PCDHGA1: variants seen among roughly 807,000 people sequenced by gnomAD.
PCDHGA1 encodes the protein protocadherin gamma subfamily A, 1.
A neutral mutation model predicts 58.0 loss-of-function variants in PCDHGA1; 32 were observed. That is an observed-to-expected ratio of 0.55 (90% CI 0.42 to 0.74). The LOEUF (loss-of-function observed/expected upper bound fraction) is 0.74. Among genes scored for constraint, PCDHGA1 ranks in the 30% least tolerant of loss-of-function variants. The pLI, the probability that PCDHGA1 is intolerant of heterozygous loss-of-function variation, is 0.00. For missense variants in PCDHGA1, 1,205 were observed against 1,182.3 expected, an observed-to-expected ratio of 1.02 and a Z score of -0.28; for synonymous variants, 498 against 501.1, an observed-to-expected ratio of 0.99 and a Z score of 0.08.
chr5:141,460,951 G>GTA (rs200454978), intron 1 of PCDHGA1, among the ~76,000 whole-genome samples: 2,366 of 139,742 alleles, frequency 0.017, 20 homozygotes, highest in Middle Eastern at 0.037. Flanking sequence ...TATGTATTAT[G>GTA]TATATATATA....
chr5:141,393,118 G>C (rs1254219994), intron 1 of PCDHGA1: 31 of 1,613,354 alleles, frequency 1.9e-5, no homozygotes, highest in Non-Finnish European at 2.5e-5. Flanking sequence ...AGCCCGCGGT[G>C]TCTGATAAAT....
chr5:141,384,704 C>T (rs1191674511), intron 1 of PCDHGA1: 2 of 1,614,004 alleles, frequency 1.2e-6, no homozygotes, highest in African/African-American at 2.7e-5. Flanking sequence ...GGCCAGAACG[C>T]CTGGCTGTCA....
intron 1 of PCDHGA1, chr5:141,349,964 T>TA (rs1409228521): frequency 3.8e-6 from 1 of 264,224 alleles, no homozygotes; most frequent in Non-Finnish European, 7.0e-6. Context: ...AAAGACAGGG[T>TA]ACATAGATTC....
intron 2 of PCDHGA1, among the ~76,000 whole-genome samples, chr5:141,497,540 C>CTT (rs754207034): frequency 2.8e-4 from 38 of 134,912 alleles, no homozygotes; most frequent in African/African-American, 8.9e-4. Context: ...TGCAACAAAC[C>CTT]TTTTTTTTTT....
At chr5:141,507,349 A>G (rs537480798) in intron 3 of PCDHGA1, 1 of 152,236 alleles carries the variant, frequency 6.6e-6, no homozygotes, top group African/African-American at 2.4e-5. Flanking sequence ...CTGAAATTCA[A>G]ATTTAACTGG....
chr5:141,459,795 C>T (rs1394778891), intron 1 of PCDHGA1, among the ~76,000 whole-genome samples: 1 of 152,190 alleles, frequency 6.6e-6, no homozygotes, highest in Non-Finnish European at 1.5e-5. Flanking sequence ...AACTGTTTTT[C>T]CCTGTTGACT....
chr5:141,423,561 C>G (rs959698297), intron 1 of PCDHGA1: 7 of 1,613,628 alleles, frequency 4.3e-6, no homozygotes, highest in Non-Finnish European at 5.9e-6. Flanking sequence ...ACTATGGGGA[C>G]ACGCTCATCA....
chr5:141,510,032 T>C (rs1410346284), intron 3 of PCDHGA1, among the ~76,000 whole-genome samples: 3 of 152,150 alleles, frequency 2.0e-5, no homozygotes, highest in Non-Finnish European at 4.4e-5. Flanking sequence ...GCTGGGCTGT[T>C]ATGTAGAGGT....
At chr5:141,410,492 T>C in intron 1 of PCDHGA1, 2 of 1,613,912 alleles carry the variant, frequency 1.2e-6, no homozygotes, top group Non-Finnish European at 1.7e-6. Flanking sequence ...TACAAAAGAG[T>C]TTAATTTCCT....
chr5:141,390,436 C>A, intron 1 of PCDHGA1: 1 of 949,978 alleles, frequency 1.1e-6, no homozygotes, highest in Non-Finnish European at 1.5e-6. Flanking sequence ...TCATATCATT[C>A]TACAAAGGAG....
chr5:141,403,201 C>T (rs1486888915), intron 1 of PCDHGA1: 2 of 1,614,002 alleles, frequency 1.2e-6, no homozygotes, highest in South Asian at 1.1e-5. Context: ...GCAGCGGCAC[C>T]TTGGTCACCG....
At chr5:141,336,827 C>T (rs1400386782) in intron 1 of PCDHGA1, among the ~76,000 whole-genome samples, 1 of 152,062 alleles carries the variant, frequency 6.6e-6, no homozygotes. Context: ...CAGCAAAGAA[C>T]AATATCAATA....
At chr5:141,383,622 C>G (rs780650375) in intron 1 of PCDHGA1, 19 of 1,613,798 alleles carry the variant, frequency 1.2e-5, no homozygotes, top group Admixed American at 3.3e-5. Flanking sequence ...ACACGCCTGT[C>G]TTCTCTCTGC....
At chr5:141,344,411 T>G (rs773874852) in intron 1 of PCDHGA1, 1 of 1,612,074 alleles carries the variant, frequency 6.2e-7, no homozygotes, top group Non-Finnish European at 8.5e-7. Context: ...TTAAAGATAT[T>G]AATGATAATG....
rs1022748155 is a variant in PCDHGA1, at chr5:141,355,704, G to C, written c.2421+22599G>C. On this transcript the variant is annotated intron_variant, in intron 1 of 3. Transcript: ENST00000517417. ...CGGATGTAGGTGTAAACTCCCTGCA[G>C]GGTTACCAGCTCAACTCAAACGGTT... 1 of 1,613,986 alleles carries C rather than the reference G, an allele frequency of 6.2e-7. No individual in the cohort carries two copies. Among genetic ancestry groups the C allele is most frequent in the Admixed American group, 1.7e-5 (1 of 60,020 alleles).
intron 1 of PCDHGA1, chr5:141,378,992 A>G (rs1300045216): frequency 6.6e-6 from 1 of 152,246 alleles, no homozygotes; most frequent in Non-Finnish European, 1.5e-5. Flanking sequence ...ACTACATTAT[A>G]GTCAAGATTT....
intron 1 of PCDHGA1, among the ~76,000 whole-genome samples, chr5:141,397,238 C>A (rs2093493095): frequency 6.6e-6 from 1 of 151,972 alleles, no homozygotes; most frequent in African/African-American, 2.4e-5. Flanking sequence ...AGAAGAGCAA[C>A]GTAGTAGGGT....
chr5:141,454,076 T>A (rs190918056), intron 1 of PCDHGA1, among the ~76,000 whole-genome samples: 2 of 152,352 alleles, frequency 1.3e-5, no homozygotes, highest in East Asian at 3.8e-4. Flanking sequence ...TGATAATGTT[T>A]TCAGTGAAAT....
In PCDHGA1 at chr5:141,486,043, A is replaced by G. The variant is rs1193580610; in HGVS notation, c.2422-8764A>G. 6.2e-7 allele frequency: 1 copy of G among 1,614,050 alleles called. No homozygotes were observed. Among genetic ancestry groups the G allele is most frequent in the African/African-American group, 1.3e-5 (1 of 74,918 alleles). ...GTGGTCATACCCCTGATCGTGTAAG[A>G]AACCTCTTTAGCCTGCACCCCACTA... On this transcript the variant is annotated intron_variant, in intron 1 of 3. Transcript: ENST00000517417. This position sits in a 1 kb window ranked among gnomAD's most constrained non-coding sequence, Gnocchi z 5.0.
Sources: allele counts gnomAD v4.1 joint callset (sites outside exome capture counted in the v4.1 genomes callset), GRCh38; gene constraint gnomAD v4.1.1; non-coding constraint Gnocchi (gnomAD v3.1); transcripts MANE v1.5; gene names NCBI Gene and HGNC (gene_info 2026-07-23, HGNC 2026-07-21).